The following HPSE2 variants were observed in gnomAD, a reference collection of about 807,000 sequenced individuals.
HPSE2 encodes heparanase 2 (inactive).
A neutral mutation model predicts 60.5 loss-of-function variants in HPSE2; 38 were observed. The ratio of observed to expected loss-of-function variants is 0.63; its 90% CI spans 0.48 to 0.82. HPSE2 has a LOEUF of 0.82. Among genes scored for constraint, HPSE2 ranks in the 40% least tolerant of loss-of-function variants. The pLI is 0.00. For missense variants in HPSE2, 713 were observed against 740.4 expected, an observed-to-expected ratio of 0.96 and a Z score of 0.43; for synonymous variants, 295 against 293.2, an observed-to-expected ratio of 1.01 and a Z score of -0.06.
intron 9 of HPSE2, among the ~76,000 whole-genome samples, chr10:98,584,124 C>T (rs890686189): frequency 8.5e-5 from 13 of 152,128 alleles, no homozygotes; most frequent in Non-Finnish European, 8.8e-5. Context: ...ATCTTACCAG[C>T]GATGTAGGAG....
intron 3 of HPSE2, among the ~76,000 whole-genome samples, chr10:99,030,457 C>T (rs1957474884): frequency 6.6e-6 from 1 of 152,128 alleles, no homozygotes; most frequent in Admixed American, 6.5e-5. Context: ...TAATCTCGCC[C>T]CAGTCAAAAT....
intron 11 of HPSE2, among the ~76,000 whole-genome samples, chr10:98,477,174 G>A (rs961474251): frequency 6.6e-6 from 1 of 152,148 alleles, no homozygotes; most frequent in African/African-American, 2.4e-5. Flanking sequence ...ATGGAAGGGA[G>A]GCAGGAATTA....
chr10:98,490,094 G>A lies in HPSE2; in HGVS notation c.1423C>T (p.Arg475Trp), dbSNP rs753003334. 2.4e-5 allele frequency: 39 copies of A among 1,614,072 alleles called. No homozygotes were observed. The highest frequency in any genetic ancestry group is 1.4e-4 in the South Asian group (13 of 91,088). Residue 475 changes from arginine to tryptophan, a missense_variant, in exon 10 of 12, where the codon CGG (arginine) becomes TGG (tryptophan). Physicochemically the swap from Arg to Trp is moderately radical, Grantham distance 101. Coordinates refer to ENST00000370552, the MANE Select transcript of HPSE2 (RefSeq NM_021828.5). ...QRKPRPGRVI[R>W]DKLRIYAHCT... Reference sequence around the variant, plus strand: ...TGAGCATAAATCCTTAGTTTGTCCCGGATCACTCGGCCAGGCCGTGGCTTC... The same window carrying A: ...TGAGCATAAATCCTTAGTTTGTCCCAGATCACTCGGCCAGGCCGTGGCTTC...
chr10:98,698,833 C>A (rs1004654171), intron 5 of HPSE2, among the ~76,000 whole-genome samples: 2 of 152,160 alleles, frequency 1.3e-5, no homozygotes, highest in Non-Finnish European at 2.9e-5. Context: ...CACAGAAATA[C>A]AAACTACCAT....
At chr10:98,466,860 C>T (rs1048346349) in intron 11 of HPSE2, among the ~76,000 whole-genome samples, 1 of 152,152 alleles carries the variant, frequency 6.6e-6, no homozygotes, top group South Asian at 2.1e-4. Flanking sequence ...ATTGACCTGT[C>T]TAAATATTCA....
intron 9 of HPSE2, among the ~76,000 whole-genome samples, chr10:98,527,441 T>C (rs1382597695): frequency 6.6e-6 from 1 of 152,144 alleles, no homozygotes; most frequent in Non-Finnish European, 1.5e-5. Flanking sequence ...TTCCTCTCTG[T>C]TCTTTGAACC....
chr10:98,731,995 A>G (rs1320164135), intron 4 of HPSE2, among the ~76,000 whole-genome samples: 1 of 152,198 alleles, frequency 6.6e-6, no homozygotes, highest in African/African-American at 2.4e-5. Flanking sequence ...TACTATTGAT[A>G]CACAATCCAA....
intron 3 of HPSE2, among the ~76,000 whole-genome samples, chr10:99,103,660 G>C (rs1268481844): frequency 6.6e-6 from 1 of 152,164 alleles, no homozygotes; most frequent in Non-Finnish European, 1.5e-5. Flanking sequence ...AACCAAAAGA[G>C]AGCCCGCATT....
chr10:99,222,652 G>A (rs539722062), intron 2 of HPSE2, among the ~76,000 whole-genome samples: 2 of 151,726 alleles, frequency 1.3e-5, no homozygotes, highest in South Asian at 4.2e-4. Context: ...TAACACCATT[G>A]ATCCATTTCT....
intron 5 of HPSE2, among the ~76,000 whole-genome samples, chr10:98,696,127 C>A (rs896443740): frequency 3.3e-5 from 5 of 151,826 alleles, no homozygotes; most frequent in Admixed American, 1.3e-4. Context: ...AAAACCTAGA[C>A]AATCTTAGAC....
intron 2 of HPSE2, among the ~76,000 whole-genome samples, chr10:99,166,527 G>A (rs1457259292): frequency 6.6e-6 from 1 of 151,968 alleles, no homozygotes; most frequent in African/African-American, 2.4e-5. Flanking sequence ...TCTCATTGTG[G>A]TATTTTCAGT....
At chr10:99,280,752 C>T in the HPSE2 span, among the ~76,000 whole-genome samples, 1 of 152,194 alleles carries the variant, frequency 6.6e-6, no homozygotes, top group African/African-American at 2.4e-5. Context: ...CCATACAGCT[C>T]AGTTATTAAA....
At chr10:99,007,183 G>A (rs944491038) in intron 3 of HPSE2, among the ~76,000 whole-genome samples, 6 of 152,162 alleles carry the variant, frequency 3.9e-5, no homozygotes, top group African/African-American at 1.2e-4. Flanking sequence ...GACCTGGAGT[G>A]TAGAGCTTCA....
At chr10:98,749,389 T>C (rs1161401569) in intron 3 of HPSE2, among the ~76,000 whole-genome samples, 1 of 151,794 alleles carries the variant, frequency 6.6e-6, no homozygotes, top group African/African-American at 2.4e-5. Flanking sequence ...TATACAGATA[T>C]ACATGCGTGT....
At chr10:98,561,753 C>A (rs914961733) in intron 9 of HPSE2, among the ~76,000 whole-genome samples, 4 of 152,110 alleles carry the variant, frequency 2.6e-5, no homozygotes, top group African/African-American at 9.7e-5. Context: ...GAGGTTGAGG[C>A]ACGAGAATCA....
At chr10:98,986,950 C>T (rs978999009) in intron 3 of HPSE2, among the ~76,000 whole-genome samples, 22 of 152,084 alleles carry the variant, frequency 1.4e-4, no homozygotes, top group African/African-American at 5.1e-4. Context: ...CAGGAAGAAG[C>T]TGAGTCTCTG....
chr10:98,516,235 A>G (rs1405968111), intron 9 of HPSE2, among the ~76,000 whole-genome samples: 2 of 152,204 alleles, frequency 1.3e-5, no homozygotes, highest in Admixed American at 6.5e-5. Context: ...TGTTTGTCCT[A>G]TTTTACAAAT....
the HPSE2 span, among the ~76,000 whole-genome samples, chr10:99,307,800 A>T: frequency 2.0e-5 from 3 of 150,392 alleles, no homozygotes; most frequent in African/African-American, 7.4e-5. Context: ...CATAATAAAG[A>T]AGAGTCCCCT....
intron 3 of HPSE2, among the ~76,000 whole-genome samples, chr10:98,772,652 A>T (rs1303337206): frequency 6.6e-6 from 1 of 152,218 alleles, no homozygotes; most frequent in Non-Finnish European, 1.5e-5. Flanking sequence ...TATGGAGGCC[A>T]GGCAATAAGT....
Sources: allele counts gnomAD v4.1 joint callset (sites outside exome capture counted in the v4.1 genomes callset), GRCh38; gene constraint gnomAD v4.1.1; transcripts MANE v1.5; gene names NCBI Gene and HGNC (gene_info 2026-07-23, HGNC 2026-07-21).